Variants in MAGOH observed in about 807,000 individuals in gnomAD.
MAGOH encodes the protein mago homolog, exon junction complex subunit, also known as protein mago nashi homolog.
A neutral mutation model predicts 20.9 loss-of-function variants in MAGOH; 3 were observed. The observed-to-expected ratio is 0.14, with a 90% CI of 0.07 to 0.37. The LOEUF (loss-of-function observed/expected upper bound fraction) is 0.37. Among genes scored for constraint, MAGOH ranks in the 10% least tolerant of loss-of-function variants. The pLI, the probability that MAGOH is intolerant of heterozygous loss-of-function variation, is 1.00. For missense variants in MAGOH, 66 were observed against 178.1 expected, an observed-to-expected ratio of 0.37 and a Z score of 3.58; for synonymous variants, 51 against 61.0, an observed-to-expected ratio of 0.84 and a Z score of 0.76.
intron 1 of MAGOH, among the ~76,000 whole-genome samples, chr1:53,237,330 A>G (rs1645616866): frequency 6.6e-6 from 1 of 151,552 alleles, no homozygotes; most frequent in African/African-American, 2.4e-5. Context: ...TCCGCACCCA[A>G]TAACCAGAAT....
intron 1 of MAGOH, among the ~76,000 whole-genome samples, chr1:53,237,214 G>A (rs889914250): frequency 1.6e-4 from 24 of 151,008 alleles, no homozygotes; most frequent in Non-Finnish European, 2.4e-4. Flanking sequence ...CTCCCAAAGG[G>A]CTGAGATTAC....
intron 1 of MAGOH, 69 bp from the exon 2 acceptor site, chr1:53,235,704 G>C: frequency 7.8e-7 from 1 of 1,287,858 alleles, no homozygotes; most frequent in Middle Eastern, 2.0e-4. Flanking sequence ...ACCATGCCAA[G>C]GCATCAGCAG....
chr1:53,233,814 G>A (rs564249059), intron 2 of MAGOH, 162 bp from the exon 3 acceptor site: 20 of 584,706 alleles, frequency 3.4e-5, no homozygotes, highest in Admixed American at 1.5e-4. Flanking sequence ...GCAGGTGAGG[G>A]ACACGGTCAG....
In MAGOH at chr1:53,228,968, AGAAAAT is replaced by A; in HGVS notation, c.259-20_259-15del. 6.5e-7 allele frequency: 1 copy of A among 1,547,506 alleles called. No homozygotes were observed. The highest frequency in any genetic ancestry group is 8.9e-7 in the Non-Finnish European group (1 of 1,119,844). On this transcript the variant is annotated splice_polypyrimidine_tract_variant and intron_variant, in intron 3 of 4. Transcript: ENST00000371470. ...GATTTCAAGCTCCTAGAAACATTTT[AGAAAAT>A]CGAAGTCAAGTAGAATTGGATTATT...
intron 2 of MAGOH, among the ~76,000 whole-genome samples, chr1:53,234,373 CTTTTT>C (rs71579963): frequency 9.8e-5 from 13 of 132,712 alleles, no homozygotes; most frequent in Admixed American, 2.4e-4. Flanking sequence ...CCTGGTTATT[CTTTTT>C]TTTTTTTTTT....
chr1:53,235,476 G>T (rs529284131), intron 2 of MAGOH, 101 bp downstream of exon 2: 2 of 994,674 alleles, frequency 2.0e-6, no homozygotes, highest in East Asian at 2.4e-5. Flanking sequence ...CTCTCTCCCT[G>T]TTCTTTATCT....
At chr1:53,234,253 C>A (rs1645600407) in intron 2 of MAGOH, among the ~76,000 whole-genome samples, 1 of 152,130 alleles carries the variant, frequency 6.6e-6, no homozygotes, top group African/African-American at 2.4e-5. Context: ...GCGCCTTGAT[C>A]TTGGACTTTC....
intron 1 of MAGOH, among the ~76,000 whole-genome samples, chr1:53,237,533 G>A (rs1034753322): frequency 6.6e-6 from 1 of 151,334 alleles, no homozygotes; most frequent in Admixed American, 6.6e-5. Flanking sequence ...AATTAGCCGG[G>A]CGTGGTGGTG....
intron 3 of MAGOH, among the ~76,000 whole-genome samples, chr1:53,232,157 A>C (rs926716740): frequency 6.6e-6 from 1 of 152,168 alleles, no homozygotes; most frequent in Non-Finnish European, 1.5e-5. Flanking sequence ...GATATTACTG[A>C]GCTCCCTTGA....
intron 1 of MAGOH, among the ~76,000 whole-genome samples, chr1:53,236,129 C>T (rs1645609001): frequency 6.6e-6 from 1 of 152,164 alleles, no homozygotes; most frequent in African/African-American, 2.4e-5. Flanking sequence ...AGACCCTTTG[C>T]CCATGTGTGC....
At chr1:53,233,860 G>A (rs1645598357) in intron 2 of MAGOH, 2 of 474,670 alleles carry the variant, frequency 4.2e-6, no homozygotes, top group Admixed American at 3.8e-5. Flanking sequence ...CCCCTATCTA[G>A]CTGTTACTAC....
intron 3 of MAGOH, among the ~76,000 whole-genome samples, chr1:53,230,253 A>T (rs1250273772): frequency 1.3e-5 from 2 of 152,188 alleles, no homozygotes; most frequent in African/African-American, 4.8e-5. Context: ...AATCGAAAAA[A>T]CTGAGATGTT....
intron 1 of MAGOH, 42 bp from the exon 2 acceptor site, chr1:53,235,677 A>G: frequency 6.5e-7 from 1 of 1,530,648 alleles, no homozygotes; most frequent in Admixed American, 1.7e-5. Context: ...ATAAAAACAT[A>G]TGAATAAAGC....
At chr1:53,230,306 AT>A (rs1046756029) in intron 3 of MAGOH, among the ~76,000 whole-genome samples, 1 of 152,058 alleles carries the variant, frequency 6.6e-6, no homozygotes. Flanking sequence ...CTTGTGTCAG[AT>A]TTTTTTTAAA....
Position 53,233,532 on chromosome 1 carries a change from T to A in MAGOH, c.258+10A>T. Reference sequence around the variant, plus strand: ...GATTTCTGCACTACAGGATAATCAATAAAACACACCTGCCGGCCCACTCGG... The same window carrying A: ...GATTTCTGCACTACAGGATAATCAAAAAAACACACCTGCCGGCCCACTCGG... On this transcript the variant is annotated intron_variant, in intron 3 of 4. Coordinates refer to ENST00000371470, the MANE Select transcript of MAGOH (RefSeq NM_002370.4). 6.2e-7 allele frequency: 1 copy of A among 1,604,436 alleles called. No homozygotes were observed. The highest frequency in any genetic ancestry group is 8.5e-7 in the Non-Finnish European group (1 of 1,171,706).
intron 2 of MAGOH, among the ~76,000 whole-genome samples, chr1:53,234,700 C>A (rs140923184): frequency 2.1e-3 from 326 of 152,026 alleles, no homozygotes; most frequent in African/African-American, 7.7e-3. Flanking sequence ...GTAATACACT[C>A]CTGAGGAGCA....
chr1:53,227,195 G>A (rs754354209), intron 4 of MAGOH, 51 bp from the exon 5 acceptor site: 2 of 1,006,538 alleles, frequency 2.0e-6, no homozygotes, highest in Non-Finnish European at 3.0e-6. Flanking sequence ...GACCCATCAA[G>A]TGTCCCTAAA....
chr1:53,228,660 C>T (rs543594306), intron 4 of MAGOH, among the ~76,000 whole-genome samples: 4 of 152,212 alleles, frequency 2.6e-5, no homozygotes, highest in South Asian at 4.1e-4. Context: ...ACAAGAAGCT[C>T]GCAGTAGCAA....
intron 3 of MAGOH, among the ~76,000 whole-genome samples, chr1:53,230,543 G>A (rs773220281): frequency 2.0e-5 from 3 of 151,674 alleles, no homozygotes; most frequent in South Asian, 2.1e-4. Context: ...TTAGCTTCTC[G>A]AATAGCTAGG....
Sources: gnomAD v4.1 joint callset for allele counts (sites outside exome capture counted in the v4.1 genomes callset) on GRCh38, gnomAD v4.1.1 for gene constraint, MANE v1.5 for transcripts, NCBI Gene and HGNC (gene_info 2026-07-23, HGNC 2026-07-21) for gene names.